The following TMEM132C variants were observed in gnomAD, a reference collection of about 807,000 sequenced individuals.
TMEM132C encodes the protein protein phosphatase 1, regulatory subunit 152.
A neutral mutation model predicts 61.4 loss-of-function variants in TMEM132C; 29 were observed. The ratio of observed to expected loss-of-function variants is 0.47; its 90% CI spans 0.35 to 0.64. The LOEUF (loss-of-function observed/expected upper bound fraction) is 0.64. Ranked by LOEUF, TMEM132C falls within the 30% of genes least tolerant of loss-of-function variation. The pLI, the probability that TMEM132C is intolerant of heterozygous loss-of-function variation, is 0.00. For synonymous variants in TMEM132C, 656 were observed against 633.1 expected, an observed-to-expected ratio of 1.04 and a Z score of -0.54; for missense variants, 1,408 against 1,476.9, an observed-to-expected ratio of 0.95 and a Z score of 0.76.
chr12:128,648,315 G>T (rs1454076407), intron 4 of TMEM132C, among the ~76,000 whole-genome samples: 1 of 150,900 alleles, frequency 6.6e-6, no homozygotes, highest in Non-Finnish European at 1.5e-5. Context: ...AGCATTGGAA[G>T]TGAGTGTGTT....
chr12:128,663,948 G>GCACA (rs986648893), intron 4 of TMEM132C, among the ~76,000 whole-genome samples: 2 of 89,066 alleles, frequency 2.2e-5, no homozygotes, highest in Non-Finnish European at 4.6e-5. Context: ...ACTCACACAG[G>GCACA]CACACACACA....
intron 2 of TMEM132C, among the ~76,000 whole-genome samples, chr12:128,525,751 C>T (rs961415027): frequency 6.6e-6 from 1 of 152,140 alleles, no homozygotes; most frequent in African/African-American, 2.4e-5. Flanking sequence ...AGCTGTTAGC[C>T]CTGGGGATGT....
intron 1 of TMEM132C, among the ~76,000 whole-genome samples, chr12:128,276,157 A>T (rs1189573712): frequency 6.6e-6 from 1 of 152,232 alleles, no homozygotes; most frequent in East Asian, 1.9e-4. Context: ...CTAAGTGGAC[A>T]TTCGCTTTTG....
At chr12:128,303,341 G>C (rs1871657813) in intron 1 of TMEM132C, among the ~76,000 whole-genome samples, 1 of 152,120 alleles carries the variant, frequency 6.6e-6, no homozygotes, top group Non-Finnish European at 1.5e-5. Flanking sequence ...TCTTCCCTTT[G>C]ATCTTTTATG....
chr12:128,278,929 G>T lies in TMEM132C; in HGVS notation c.85+11442G>T, dbSNP rs150294835. 8.5e-5 allele frequency among the ~76,000 whole-genome samples: 13 copies of T among 152,200 alleles called. No homozygotes were observed. Among genetic ancestry groups the T allele is most frequent in the African/African-American group, 2.9e-4 (12 of 41,516 alleles). ...AAGACAAGAAGGAATTCTGCCAGTC[G>T]ACAGCATTTGGACGTGAACTGCAAC... is the stretch of plus-strand genomic sequence containing the variant. On this transcript the variant is annotated intron_variant, in intron 1 of 8. Transcript: ENST00000435159. The surrounding 1 kb of genome is among the most constrained non-coding windows in gnomAD (Gnocchi z 4.2).
At chr12:128,366,192 C>T (rs1223064260) in intron 1 of TMEM132C, among the ~76,000 whole-genome samples, 1 of 152,168 alleles carries the variant, frequency 6.6e-6, no homozygotes, top group Admixed American at 6.5e-5. Flanking sequence ...CTGTGTCGCC[C>T]GCGGCTCTCC....
chr12:128,271,126 G>A (rs927212120), intron 1 of TMEM132C, among the ~76,000 whole-genome samples: 79 of 151,748 alleles, frequency 5.2e-4, no homozygotes, highest in Non-Finnish European at 9.9e-4. Context: ...TGGTGGCGGG[G>A]GCCTCTAATC....
intron 2 of TMEM132C, among the ~76,000 whole-genome samples, chr12:128,482,788 G>A (rs992827618): frequency 6.6e-6 from 1 of 152,096 alleles, no homozygotes; most frequent in African/African-American, 2.4e-5. Flanking sequence ...CCTTGAGCCA[G>A]CCACTGAGTC....
intron 2 of TMEM132C, among the ~76,000 whole-genome samples, chr12:128,480,874 G>T (rs1052228497): frequency 5.3e-5 from 8 of 152,152 alleles, no homozygotes; most frequent in Admixed American, 5.2e-4. Flanking sequence ...TCACCAAAAA[G>T]GATTCGGCTG....
chr12:128,527,119 G>A (rs1435593752), intron 2 of TMEM132C, among the ~76,000 whole-genome samples: 3 of 152,170 alleles, frequency 2.0e-5, no homozygotes, highest in Non-Finnish European at 4.4e-5. Flanking sequence ...AGGACATTCT[G>A]CTGCTGTTAA....
chr12:128,604,686 G>T (rs549037449), intron 3 of TMEM132C, among the ~76,000 whole-genome samples: 1 of 151,908 alleles, frequency 6.6e-6, no homozygotes, highest in South Asian at 2.1e-4. Flanking sequence ...TCATAGAGGG[G>T]TAGATAGATA....
chr12:128,552,001 A>G lies in TMEM132C; in HGVS notation c.1121+7898A>G, dbSNP rs1874190177. ...TGCTAAAACTTAGGTGTTTCTTTAA[A>G]CTGTGGGCATACTCTGAAGTTCAGG... On this transcript the variant is annotated intron_variant, in intron 3 of 8. Transcript: ENST00000435159. Among the ~76,000 whole-genome samples, 3 of 152,260 alleles carry G rather than the reference A, an allele frequency of 2.0e-5. No homozygotes were observed. In the South Asian group the frequency reaches 6.2e-4, roughly 32 times the overall value.
intron 1 of TMEM132C, among the ~76,000 whole-genome samples, chr12:128,316,255 A>G (rs1161556844): frequency 6.6e-6 from 1 of 152,146 alleles, no homozygotes; most frequent in Admixed American, 6.5e-5. Context: ...TGGTTCCCAC[A>G]GTCAGGCGGC....
rs1031091717 is a variant in TMEM132C, at chr12:128,705,376, A to T, written c.2408A>T (p.Asp803Val). 3 of 1,551,224 alleles carry T rather than the reference A, an allele frequency of 1.9e-6. No homozygotes were observed. The African/African-American group carries it at 4.1e-5, about 21-fold the overall frequency. Residue 803 changes from aspartate (D) to valine (V), a missense_variant, in exon 9 of 9, where the codon GAT becomes GTT. Asp to Val is a radical substitution (Grantham distance 152). Transcript: ENST00000435159. Reference sequence around the variant, plus strand: ...GTCAGGGTCAAGTTCGGACAGAACGATGCTGACTCCAGCCCCGGCGGGGAC... The same window carrying T: ...GTCAGGGTCAAGTTCGGACAGAACGTTGCTGACTCCAGCCCCGGCGGGGAC... ...GNVRVKFGQN[D>V]ADSSPGGDYE...
At chr12:128,537,479 G>T (rs1464504172) in intron 2 of TMEM132C, among the ~76,000 whole-genome samples, 6 of 152,186 alleles carry the variant, frequency 3.9e-5, no homozygotes, top group Non-Finnish European at 8.8e-5. Flanking sequence ...CCAAGAGAGG[G>T]TCCGTTCCAT....
intron 1 of TMEM132C, among the ~76,000 whole-genome samples, chr12:128,365,832 A>G (rs1186488613): frequency 6.6e-6 from 1 of 152,096 alleles, no homozygotes; most frequent in Non-Finnish European, 1.5e-5. Flanking sequence ...CTTTGTCCAG[A>G]TGGGGATGGA....
intron 2 of TMEM132C, among the ~76,000 whole-genome samples, chr12:128,510,263 G>A (rs1872525338): frequency 6.6e-6 from 1 of 152,050 alleles, no homozygotes; most frequent in Admixed American, 6.6e-5. Context: ...CTTTCTGTTG[G>A]TGGATCCCGA....
At chr12:128,413,192 G>A (rs533124388) in intron 1 of TMEM132C, among the ~76,000 whole-genome samples, 209 of 151,286 alleles carry the variant, frequency 1.4e-3, no homozygotes, top group African/African-American at 4.9e-3. Context: ...CCAGCTACTC[G>A]GGAGGCCGAG....
In TMEM132C at chr12:128,705,088, A is replaced by T; in HGVS notation, c.2122-2A>T. 2.0e-6 allele frequency: 3 copies of T among 1,524,234 alleles called. No individual in the cohort carries two copies. Among genetic ancestry groups the T allele is most frequent in the Non-Finnish European group, 2.7e-6 (3 of 1,128,100 alleles). The allele number at this position is 1,524,234 out of a possible 1,614,324, so 94.4% of individuals were successfully genotyped here. ...GTCTTCTAACTGCCTGTGTCCCTGC[A>T]GGAGGCTGTATTCAGCACGTGGCTG... On this transcript the variant is annotated splice_acceptor_variant, in intron 8 of 8. Transcript: ENST00000435159. LOFTEE classifies it high-confidence loss of function.
Sources: allele counts gnomAD v4.1 joint callset (sites outside exome capture counted in the v4.1 genomes callset), GRCh38; gene constraint gnomAD v4.1.1; non-coding constraint Gnocchi (gnomAD v3.1); transcripts MANE v1.5; gene names NCBI Gene and HGNC (gene_info 2026-07-23, HGNC 2026-07-21).